Variants in ARHGAP15 observed in about 807,000 individuals in gnomAD.
ARHGAP15 encodes the protein rho GTPase-activating protein 15.
In ARHGAP15, 51 loss-of-function variants were observed where a neutral mutation model predicts 63.7. That is an observed-to-expected ratio of 0.80 (90% CI 0.64 to 1.01). The LOEUF is 1.01. ARHGAP15 is among the 50% of genes least tolerant of loss of function. The probability of loss-of-function intolerance (pLI) is 0.00; values close to 1 mark genes in which losing one functional copy is unlikely to be tolerated. For synonymous variants in ARHGAP15, 191 were observed against 193.8 expected (o/e 0.99, Z 0.12); for missense variants, 560 against 564.6 (o/e 0.99, Z 0.08).
chr2:143,758,351 C>T (rs1193006242), intron 13 of ARHGAP15, among the ~76,000 whole-genome samples: 2 of 151,590 alleles, frequency 1.3e-5, no homozygotes, highest in African/African-American at 4.8e-5. Context: ...AAGGAACACC[C>T]ATCTGTTAAT....
At chr2:143,728,054 G>A (rs1685361356) in intron 13 of ARHGAP15, among the ~76,000 whole-genome samples, 1 of 152,110 alleles carries the variant, frequency 6.6e-6, no homozygotes, top group Non-Finnish European at 1.5e-5. Flanking sequence ...AGTTTGCTAG[G>A]GCAGCCATAA....
At chr2:143,136,075 T>C (rs1202058884) in intron 1 of ARHGAP15, among the ~76,000 whole-genome samples, 1 of 152,114 alleles carries the variant, frequency 6.6e-6, no homozygotes, top group East Asian at 1.9e-4. Context: ...AGCCTGCTTC[T>C]TTCCTTTTTG....
chr2:143,757,015 A>C (rs1574932975), intron 13 of ARHGAP15, among the ~76,000 whole-genome samples: 1 of 152,184 alleles, frequency 6.6e-6, no homozygotes. Context: ...AAAGATCTGC[A>C]TCTTAATCTA....
intron 13 of ARHGAP15, 133 bp downstream of exon 13, chr2:143,703,657 CT>C: frequency 1.6e-6 from 1 of 635,060 alleles, no homozygotes; most frequent in Non-Finnish European, 2.6e-6. Flanking sequence ...TGAACTAGGT[CT>C]TTCTGCAGAA....
intron 6 of ARHGAP15, among the ~76,000 whole-genome samples, chr2:143,282,727 G>T (rs1681913335): frequency 6.6e-6 from 1 of 152,084 alleles, no homozygotes; most frequent in Admixed American, 6.6e-5. Context: ...TAAATAACTT[G>T]CCGGATTTCA....
intron 13 of ARHGAP15, among the ~76,000 whole-genome samples, chr2:143,724,379 A>T (rs1342815870): frequency 1.3e-5 from 2 of 152,162 alleles, no homozygotes; most frequent in Non-Finnish European, 2.9e-5. Context: ...GCCCACTATA[A>T]ACTCTAAATC....
intron 11 of ARHGAP15, among the ~76,000 whole-genome samples, chr2:143,570,299 A>G (rs1696400738): frequency 6.6e-6 from 1 of 152,218 alleles, no homozygotes; most frequent in African/African-American, 2.4e-5. Context: ...CCCAAACCAC[A>G]AGAATCACTC....
chr2:143,244,112 A>T (rs1693960120), intron 5 of ARHGAP15, among the ~76,000 whole-genome samples: 1 of 152,144 alleles, frequency 6.6e-6, no homozygotes, highest in Non-Finnish European at 1.5e-5. Context: ...TTGTTAATGC[A>T]TTGGAATCAA....
At chr2:143,367,664 T>C (rs898163389) in intron 6 of ARHGAP15, among the ~76,000 whole-genome samples, 1 of 152,060 alleles carries the variant, frequency 6.6e-6, no homozygotes, top group Non-Finnish European at 1.5e-5. Flanking sequence ...TTCATTTTTC[T>C]CATATGTTTT....
At chr2:143,371,792 A>G (rs889784773) in intron 6 of ARHGAP15, among the ~76,000 whole-genome samples, 1 of 152,190 alleles carries the variant, frequency 6.6e-6, no homozygotes, top group Non-Finnish European at 1.5e-5. Context: ...GTGTACTTCT[A>G]GTACATAAGA....
chr2:143,420,651 T>C (rs990347253), intron 6 of ARHGAP15, among the ~76,000 whole-genome samples: 2 of 152,174 alleles, frequency 1.3e-5, no homozygotes, highest in African/African-American at 4.8e-5. Context: ...AATCTTGCCA[T>C]CCTGGGCCCT....
chr2:143,763,700 G>GTATGTATATGTGTATGTATATGTATGTA, intron 13 of ARHGAP15, among the ~76,000 whole-genome samples: 1 of 128,230 alleles, frequency 7.8e-6, no homozygotes, highest in Non-Finnish European at 1.6e-5. Context: ...ATATGTATGT[G>GTATGTATATGTGTATGTATATGTATGTA]TATGTATATG....
chr2:143,339,549 T>C (rs553362132), intron 6 of ARHGAP15, among the ~76,000 whole-genome samples: 2 of 152,208 alleles, frequency 1.3e-5, no homozygotes, highest in Admixed American at 1.3e-4. Flanking sequence ...CCAGACAATC[T>C]TGGGTGCCTG....
intron 6 of ARHGAP15, chr2:143,435,331 C>G: frequency 9.2e-7 from 1 of 1,083,408 alleles, no homozygotes. Flanking sequence ...TGGCTTGTTT[C>G]TCCTTAAGTT....
intron 11 of ARHGAP15, among the ~76,000 whole-genome samples, chr2:143,563,091 C>A (rs1343669849): frequency 6.6e-6 from 1 of 152,142 alleles, no homozygotes; most frequent in Admixed American, 6.5e-5. Context: ...GAAGGATCGA[C>A]CTCTTTATCT....
chr2:143,671,109 GAAC>G (rs1312753105), intron 12 of ARHGAP15, among the ~76,000 whole-genome samples: 1 of 152,142 alleles, frequency 6.6e-6, no homozygotes, highest in Non-Finnish European at 1.5e-5. Flanking sequence ...GTAACTAGTT[GAAC>G]AACAATTGAA....
At chr2:143,221,463 A>G (rs1331657502) in intron 4 of ARHGAP15, among the ~76,000 whole-genome samples, 2 of 152,210 alleles carry the variant, frequency 1.3e-5, no homozygotes, top group Admixed American at 6.5e-5. Context: ...TTCAGCATTC[A>G]CTTTAATTTT....
intron 10 of ARHGAP15, among the ~76,000 whole-genome samples, chr2:143,525,876 G>A (rs1281777710): frequency 6.6e-6 from 1 of 152,166 alleles, no homozygotes; most frequent in African/African-American, 2.4e-5. Context: ...AGGTGGAGAG[G>A]CGGGGGAAAA....
At chr2:143,186,863 C>A (rs1012343070) in intron 2 of ARHGAP15, among the ~76,000 whole-genome samples, 7 of 152,144 alleles carry the variant, frequency 4.6e-5, no homozygotes, top group Non-Finnish European at 7.4e-5. Flanking sequence ...CTTTAGTCTT[C>A]CAAGGGGAAC....
Sources: allele counts gnomAD v4.1 joint callset (sites outside exome capture counted in the v4.1 genomes callset), GRCh38; gene constraint gnomAD v4.1.1; transcripts MANE v1.5; gene names NCBI Gene and HGNC (gene_info 2026-07-23, HGNC 2026-07-21).